PCDHGB7: variants seen among roughly 807,000 people sequenced by gnomAD.
PCDHGB7 encodes the protein protocadherin gamma subfamily B, 7.
In PCDHGB7, 37 loss-of-function variants were observed where a neutral mutation model predicts 61.4. The observed-to-expected ratio is 0.60, with a 90% CI of 0.46 to 0.79. The LOEUF is 0.79. Among genes scored for constraint, PCDHGB7 ranks in the 30% least tolerant of loss-of-function variants. The pLI is 0.00. For missense variants in PCDHGB7, 1,166 were observed against 1,202.5 expected (o/e 0.97, Z 0.45); for synonymous variants, 464 against 503.5 (o/e 0.92, Z 1.05).
rs2099694486 is a variant in PCDHGB7 at position 141,489,987 on chromosome 5, G to A, written c.2416-4820G>A. The A allele has an allele frequency of 1.2e-6, 2 of 1,614,106 alleles. No homozygotes were observed. The highest frequency in any genetic ancestry group is 1.3e-5 in the African/African-American group (1 of 74,932). The stretch of plus-strand genomic sequence containing the variant: ...CCTTCCAATCCTCAGTTCTACGTGT[G>A]GGAATCCCAGAGAATGCACCCATTG... On this transcript the variant is annotated intron_variant, in intron 1 of 3. Coordinates refer to ENST00000398594, the MANE Select transcript of PCDHGB7 (RefSeq NM_018927.4). The surrounding 1 kb of genome is among the most constrained non-coding windows in gnomAD (Gnocchi z 4.5).
chr5:141,425,057 C>T (rs926732426), intron 1 of PCDHGB7, among the ~76,000 whole-genome samples: 4 of 152,026 alleles, frequency 2.6e-5, no homozygotes, highest in African/African-American at 4.8e-5. Flanking sequence ...ATCTAGGGCT[C>T]GGACAAAAAT....
chr5:141,429,861 A>C (rs1483953460), intron 1 of PCDHGB7, among the ~76,000 whole-genome samples: 1 of 152,226 alleles, frequency 6.6e-6, no homozygotes, highest in Non-Finnish European at 1.5e-5. Flanking sequence ...TCTTTGGACT[A>C]CCAATTTTCT....
rs953182246 is a variant in PCDHGB7, at chr5:141,511,757, C to T, written c.*584C>T. ...CTCAAGTTTTGGAGGACATGATCAC[C>T]ATCCCCATGGTACTGATGCTTGCTG... is the stretch of plus-strand genomic sequence containing the variant. On this transcript the variant is annotated 3_prime_UTR_variant, in exon 4 of 4. Coordinates refer to ENST00000398594, the MANE Select transcript of PCDHGB7 (RefSeq NM_018927.4). The T allele has an allele frequency of 6.9e-5, 12 of 174,122 alleles. No individual in the cohort carries two copies. The highest frequency in any genetic ancestry group is 2.8e-4 in the African/African-American group (12 of 42,412). The allele number at this position is 174,122 out of a possible 1,614,324, so 10.8% of individuals were successfully genotyped here.
chr5:141,444,044 T>C (rs188266846), intron 1 of PCDHGB7, among the ~76,000 whole-genome samples: 1 of 152,098 alleles, frequency 6.6e-6, no homozygotes, highest in East Asian at 1.9e-4. Flanking sequence ...ATCAGATAAT[T>C]TGGCATCTTC....
Position 141,485,844 on chromosome 5 carries a change from G to T in PCDHGB7, c.2416-8963G>T. On this transcript the variant is annotated intron_variant, in intron 1 of 3. Transcript: ENST00000398594. This position sits in a 1 kb window ranked among gnomAD's most constrained non-coding sequence, Gnocchi z 5.7. ...GATGGAGGGAACCCGCCGAGATCTG[G>T]CACCGCAGAGCTCCGGGTATCCGTG... The T allele has an allele frequency of 1.9e-6, 3 of 1,613,890 alleles. 1 individual carries two copies. The South Asian group carries it at 3.3e-5, about 18-fold the overall frequency.
chr5:141,495,752 C>G (rs1310125902), intron 2 of PCDHGB7, among the ~76,000 whole-genome samples: 1 of 152,150 alleles, frequency 6.6e-6, no homozygotes, highest in Non-Finnish European at 1.5e-5. Flanking sequence ...TTCTCTATCT[C>G]TGCCTCCCTG....
At chr5:141,488,348 C>T (rs1231687770) in intron 1 of PCDHGB7, among the ~76,000 whole-genome samples, 1 of 152,106 alleles carries the variant, frequency 6.6e-6, no homozygotes, top group Non-Finnish European at 1.5e-5. Flanking sequence ...TAGAAACAGC[C>T]ACCCTGTGCA....
Position 141,486,585 on chromosome 5 carries a change from G to A in PCDHGB7, c.2416-8222G>A. The A allele has an allele frequency of 6.2e-7, 1 of 1,613,708 alleles. No individual in the cohort carries two copies. The highest frequency in any genetic ancestry group is 1.1e-5 in the South Asian group (1 of 91,080). ...TTTGTTCCTGAGAACAATCGCCCAG[G>A]GGACCTGCTTTGCTCCCTTGCAGCC... On this transcript the variant is annotated intron_variant, in intron 1 of 3. Transcript: ENST00000398594. The surrounding 1 kb of genome is among the most constrained non-coding windows in gnomAD (Gnocchi z 5.0).
chr5:141,490,804 T>C lies in PCDHGB7; in HGVS notation c.2416-4003T>C. On this transcript the variant is annotated intron_variant, in intron 1 of 3. Coordinates refer to ENST00000398594, the MANE Select transcript of PCDHGB7 (RefSeq NM_018927.4). This position sits in a 1 kb window ranked among gnomAD's most constrained non-coding sequence, Gnocchi z 5.4. The stretch of plus-strand genomic sequence containing the variant: ...TGGACGGATCTTTGCCCAGCGTACC[T>C]TTGACTATGAATTGCTGCAGATGCT... 2 of 1,613,854 alleles carry C rather than the reference T, an allele frequency of 1.2e-6. No homozygotes were observed. Among genetic ancestry groups the C allele is most frequent in the Non-Finnish European group, 1.7e-6 (2 of 1,179,816 alleles).
Position 141,432,169 on chromosome 5 carries a change from C to T in PCDHGB7, c.2415+11895C>T. On this transcript the variant is annotated intron_variant, in intron 1 of 3. Transcript: ENST00000398594. The surrounding 1 kb of genome is among the most constrained non-coding windows in gnomAD (Gnocchi z 6.0). ...CAGAGAACAATCCCAGAGGAGTTTCCCTCGTCTCTGTGACCGCCCACGACC... is the reference window on the plus strand; with the variant it reads ...CAGAGAACAATCCCAGAGGAGTTTCTCTCGTCTCTGTGACCGCCCACGACC... The T allele has an allele frequency of 6.2e-7, 1 of 1,614,204 alleles. No homozygotes were observed. The highest frequency in any genetic ancestry group is 1.6e-4 in the Middle Eastern group (1 of 6,062).
chr5:141,421,530 C>A, intron 1 of PCDHGB7: 1 of 1,614,040 alleles, frequency 6.2e-7, no homozygotes, highest in Non-Finnish European at 8.5e-7. Context: ...AGACGGTGTC[C>A]TCCTGTTTTT....
At position 141,487,267 on chromosome 5, in the gene PCDHGB7, G is replaced by A; in HGVS notation, c.2416-7540G>A. 3 of 1,614,134 alleles carry A rather than the reference G, an allele frequency of 1.9e-6. No individual in the cohort carries two copies. The highest frequency in any genetic ancestry group is 2.5e-6 in the Non-Finnish European group (3 of 1,180,024). ...CCCTCTACTTGGCTGTGTCCCTAGT[G>A]GCAATTTGCTTTGTCTCCTTTGGCT... is the stretch of plus-strand genomic sequence containing the variant. On this transcript the variant is annotated intron_variant, in intron 1 of 3. Transcript: ENST00000398594. The surrounding 1 kb of genome is among the most constrained non-coding windows in gnomAD (Gnocchi z 5.0).
Position 141,432,195 on chromosome 5 carries a change from C to A in PCDHGB7, c.2415+11921C>A, listed in dbSNP as rs1334965321. ...CTCGTCTCTGTGACCGCCCACGACC[C>A]CGACTGTGAAGAGAACGCCCAGATC... On this transcript the variant is annotated intron_variant, in intron 1 of 3. Transcript: ENST00000398594. This position sits in a 1 kb window ranked among gnomAD's most constrained non-coding sequence, Gnocchi z 6.0. 22 of 1,614,088 alleles carry A rather than the reference C, an allele frequency of 1.4e-5. No homozygotes were observed. The highest frequency in any genetic ancestry group is 1.9e-5 in the Non-Finnish European group (22 of 1,180,058).
rs2099681350 is a variant in PCDHGB7, at chr5:141,489,024, C to T, written c.2416-5783C>T. 1 of 450,378 alleles carries T rather than the reference C, an allele frequency of 2.2e-6. No individual in the cohort carries two copies. The highest frequency in any genetic ancestry group is 3.9e-6 in the Non-Finnish European group (1 of 256,582). 27.9% of individuals were successfully genotyped at this position (450,378 alleles called of 1,614,324 possible). On this transcript the variant is annotated intron_variant, in intron 1 of 3. Coordinates refer to ENST00000398594, the MANE Select transcript of PCDHGB7 (RefSeq NM_018927.4). The surrounding 1 kb of genome is among the most constrained non-coding windows in gnomAD (Gnocchi z 4.5). ...CTGCTCTTCCAGCCCGCCTCTCCTC[C>T]TCCAGCTCCCCAGCTCCACTCAAAT... is the stretch of plus-strand genomic sequence containing the variant.
intron 1 of PCDHGB7, among the ~76,000 whole-genome samples, chr5:141,444,402 C>T (rs916833331): frequency 6.6e-6 from 1 of 151,932 alleles, no homozygotes; most frequent in African/African-American, 2.4e-5. Flanking sequence ...AACTCCCAAC[C>T]TCAGGTGATC....
Position 141,427,790 on chromosome 5 carries a change from C to T in PCDHGB7, c.2415+7516C>T, listed in dbSNP as rs1212280689. ...TGGAGCTGCGGGCACTGTCGTCCTACGTGTCCGTGAGCGCACAGAGCGGGG... is the reference window on the plus strand; with the variant it reads ...TGGAGCTGCGGGCACTGTCGTCCTATGTGTCCGTGAGCGCACAGAGCGGGG... On this transcript the variant is annotated intron_variant, in intron 1 of 3. Transcript: ENST00000398594. 2.0e-6 allele frequency: 3 copies of T among 1,482,108 alleles called. No homozygotes were observed. The Admixed American group carries it at 5.0e-5, about 25-fold the overall frequency. 91.8% of individuals were successfully genotyped at this position (1,482,108 alleles called of 1,614,324 possible).
chr5:141,511,453 T>G lies in PCDHGB7; in HGVS notation c.*280T>G. 1.7e-6 allele frequency: 1 copy of G among 595,822 alleles called. No individual in the cohort carries two copies. Among genetic ancestry groups the G allele is most frequent in the Non-Finnish European group, 2.8e-6 (1 of 360,062 alleles). 36.9% of individuals were successfully genotyped at this position (595,822 alleles called of 1,614,324 possible). ...GGTTACTGTAGACACCAAGAACCATTTGCCACACCCCGTTTAGTTACAGCT... is the reference window on the plus strand; with the variant it reads ...GGTTACTGTAGACACCAAGAACCATGTGCCACACCCCGTTTAGTTACAGCT... On this transcript the variant is annotated 3_prime_UTR_variant, in exon 4 of 4. Transcript: ENST00000398594.
At chr5:141,474,888 G>T (rs1349812637) in intron 1 of PCDHGB7, among the ~76,000 whole-genome samples, 1 of 152,176 alleles carries the variant, frequency 6.6e-6, no homozygotes, top group Non-Finnish European at 1.5e-5. Context: ...ACTCTTAGAG[G>T]TTCATTTCTT....
At chr5:141,436,211 C>T (rs12108692) in intron 1 of PCDHGB7, among the ~76,000 whole-genome samples, 2,997 of 152,100 alleles carry the variant, frequency 0.02, 43 homozygotes, top group African/African-American at 0.029. Flanking sequence ...AATAGGAAAA[C>T]AAATGACTTG....
Sources: allele counts gnomAD v4.1 joint callset (sites outside exome capture counted in the v4.1 genomes callset), GRCh38; gene constraint gnomAD v4.1.1; non-coding constraint Gnocchi (gnomAD v3.1); transcripts MANE v1.5; gene names NCBI Gene and HGNC (gene_info 2026-07-23, HGNC 2026-07-21).